TIAM1: variants seen among roughly 807,000 people sequenced by gnomAD.
TIAM1 encodes the protein rho guanine nucleotide exchange factor TIAM1.
TIAM1 carries 65 observed loss-of-function variants against 163.5 expected under a neutral mutation model. That is an observed-to-expected ratio of 0.40 (90% CI 0.33 to 0.49). The LOEUF is 0.49. Ranked by LOEUF, TIAM1 falls within the 20% of genes least tolerant of loss-of-function variation. The pLI, the probability that TIAM1 is intolerant of heterozygous loss-of-function variation, is 0.77. For missense variants in TIAM1, 1,789 were observed against 2,044.7 expected (o/e 0.87, Z 2.41); for synonymous variants, 833 against 810.1 (o/e 1.03, Z -0.48).
chr21:31,214,140 CAG>C (rs2087039909), intron 9 of TIAM1, among the ~76,000 whole-genome samples: 1 of 152,036 alleles, frequency 6.6e-6, no homozygotes, highest in South Asian at 2.1e-4. Context: ...GTTTGCTCAA[CAG>C]AGTGAGACCC....
At chr21:31,230,602 G>C (rs967021870) in intron 6 of TIAM1, among the ~76,000 whole-genome samples, 2 of 152,106 alleles carry the variant, frequency 1.3e-5, no homozygotes. Flanking sequence ...TCAGCTCACT[G>C]CCACCTCCGC....
chr21:31,485,636 G>A (rs922661893), intron 1 of TIAM1, among the ~76,000 whole-genome samples: 4 of 152,122 alleles, frequency 2.6e-5, no homozygotes, highest in Non-Finnish European at 4.4e-5. Context: ...CACATCCTCA[G>A]AGACAGCCTG....
chr21:31,553,656 C>A (rs1046385366), intron 1 of TIAM1, among the ~76,000 whole-genome samples: 8 of 152,060 alleles, frequency 5.3e-5, no homozygotes, highest in African/African-American at 9.7e-5. Flanking sequence ...TCTGAAGAAG[C>A]CCTGGAAGGT....
chr21:31,455,888 A>C (rs1194722068), intron 2 of TIAM1, among the ~76,000 whole-genome samples: 1 of 152,208 alleles, frequency 6.6e-6, no homozygotes, highest in African/African-American at 2.4e-5. Flanking sequence ...AAACCACTAA[A>C]TGTGATGCAT....
chr21:31,253,265 T>G lies in TIAM1; in HGVS notation c.964-1076A>C, dbSNP rs190458762. 3.3e-4 allele frequency among the ~76,000 whole-genome samples: 50 copies of G among 152,356 alleles called. No individual in the cohort carries two copies. The East Asian group carries it at 9.1e-3, about 28-fold the overall frequency. ...GGGAGGCTGAGTCTAATATAGAAGATGCCAAAGTAATACACAGTTTGGCAG... is the reference window on the plus strand; with the variant it reads ...GGGAGGCTGAGTCTAATATAGAAGAGGCCAAAGTAATACACAGTTTGGCAG... On this transcript the variant is annotated intron_variant, in intron 4 of 27. Transcript: ENST00000541036.
chr21:31,317,369 CT>C (rs1321649957), intron 2 of TIAM1, among the ~76,000 whole-genome samples: 1 of 152,186 alleles, frequency 6.6e-6, no homozygotes, highest in Non-Finnish European at 1.5e-5. Context: ...AGGAGAATTG[CT>C]TGAACTCGGG....
chr21:31,153,112 C>T lies in TIAM1; in HGVS notation c.3194G>A (p.Arg1065Lys), dbSNP rs575846401. 1 of 1,613,280 alleles carries T rather than the reference C, an allele frequency of 6.2e-7. No individual in the cohort carries two copies. The highest frequency in any genetic ancestry group is 1.1e-5 in the South Asian group (1 of 90,778). The change falls in exon 18 of 28, where the codon AGA becomes AAA. Residue 1065 changes from arginine to lysine, a missense_variant. Transcript: ENST00000541036. ...TTCTTTTTGAAGAGGCTTTAGGTATCTCTCCATAAGACAGTTTAAATCCTA... is the reference window on the plus strand; with the variant it reads ...TTCTTTTTGAAGAGGCTTTAGGTATTTCTCCATAAGACAGTTTAAATCCTA... ...YVKDLNCLME[R>K]YLKPLQKETF...
chr21:31,258,131 A>T (rs189264094), intron 4 of TIAM1, among the ~76,000 whole-genome samples: 26 of 151,442 alleles, frequency 1.7e-4, no homozygotes, highest in Admixed American at 1.7e-3. Context: ...CTTCCTTATT[A>T]TGCTAACTGT....
At chr21:31,383,457 G>A (rs2076814206) in intron 2 of TIAM1, among the ~76,000 whole-genome samples, 1 of 152,130 alleles carries the variant, frequency 6.6e-6, no homozygotes, top group Non-Finnish European at 1.5e-5. Flanking sequence ...TCAAAAGTTG[G>A]TAGGATGAGT....
intron 1 of TIAM1, among the ~76,000 whole-genome samples, chr21:31,483,552 A>G (rs557924616): frequency 6.6e-6 from 1 of 152,218 alleles, no homozygotes; most frequent in South Asian, 2.1e-4. Flanking sequence ...TCTTCCATTC[A>G]TTTTGGGACA....
chr21:31,412,176 A>C (rs942150842), intron 2 of TIAM1, among the ~76,000 whole-genome samples: 2 of 152,240 alleles, frequency 1.3e-5, no homozygotes, highest in African/African-American at 4.8e-5. Flanking sequence ...AGTCAGACAC[A>C]GAAAGACAAG....
At chr21:31,452,941 C>T (rs1449043765) in intron 2 of TIAM1, 9 of 513,688 alleles carry the variant, frequency 1.8e-5, no homozygotes, top group Admixed American at 6.3e-5. Context: ...GTGGAAGATG[C>T]GTTCTACAAA....
chr21:31,215,211 C>T lies in TIAM1; in HGVS notation c.2143-1739G>A, dbSNP rs139528225. 2.6e-5 allele frequency among the ~76,000 whole-genome samples: 4 copies of T among 152,100 alleles called. No individual in the cohort carries two copies. In the East Asian group the frequency reaches 7.7e-4, roughly 29 times the overall value. The stretch of plus-strand genomic sequence containing the variant: ...AAAGGGTTTTGTTAGAAAACAAGTC[C>T]AAACTGTGAAGTCCAGAAGCAGTGG... On this transcript the variant is annotated intron_variant, in intron 9 of 27. Coordinates refer to ENST00000541036, the MANE Select transcript of TIAM1 (RefSeq NM_001353694.2).
chr21:31,304,656 T>A (rs1370956121), intron 2 of TIAM1, among the ~76,000 whole-genome samples: 4 of 152,150 alleles, frequency 2.6e-5, no homozygotes, highest in South Asian at 2.1e-4. Flanking sequence ...TGACAACAGA[T>A]TAGAATATTG....
intron 1 of TIAM1, among the ~76,000 whole-genome samples, chr21:31,514,818 T>C (rs1341102875): frequency 1.3e-5 from 2 of 152,184 alleles, no homozygotes; most frequent in Non-Finnish European, 1.5e-5. Context: ...TGCGCTGCCC[T>C]CTCTCTGCAA....
At chr21:31,226,319 G>A (rs1393741688) in intron 6 of TIAM1, among the ~76,000 whole-genome samples, 1 of 152,184 alleles carries the variant, frequency 6.6e-6, no homozygotes, top group Non-Finnish European at 1.5e-5. Context: ...TCAGTTATAG[G>A]ACATGAGTGG....
At chr21:31,384,648 T>C (rs2076835270) in intron 2 of TIAM1, among the ~76,000 whole-genome samples, 1 of 152,184 alleles carries the variant, frequency 6.6e-6, no homozygotes, top group South Asian at 2.1e-4. Context: ...TTCAGGATCA[T>C]ACAGCTTGAG....
chr21:31,123,542 G>A (rs915771916), intron 27 of TIAM1, among the ~76,000 whole-genome samples: 9 of 151,956 alleles, frequency 5.9e-5, no homozygotes, highest in Non-Finnish European at 2.9e-5. Flanking sequence ...TAAATTTAAG[G>A]TGCTTGAAGA....
intron 1 of TIAM1, among the ~76,000 whole-genome samples, chr21:31,492,218 T>C (rs2186328): frequency 0.61 from 92,073 of 151,948 alleles, 28,436 homozygotes; most frequent in East Asian, 0.73. Flanking sequence ...ACCTGCCTCC[T>C]ATTTTATTAC....
Sources: allele counts gnomAD v4.1 joint callset (sites outside exome capture counted in the v4.1 genomes callset), GRCh38; gene constraint gnomAD v4.1.1; transcripts MANE v1.5; gene names NCBI Gene and HGNC (gene_info 2026-07-23, HGNC 2026-07-21).